The following ARHGAP24 variants were observed in gnomAD, a reference collection of about 807,000 sequenced individuals.
ARHGAP24 encodes the protein rho GTPase-activating protein 24.
A neutral mutation model predicts 76.4 loss-of-function variants in ARHGAP24; 50 were observed. The observed-to-expected ratio is 0.65, with a 90% CI of 0.52 to 0.83. The LOEUF (loss-of-function observed/expected upper bound fraction) is 0.83, where lower values mean the gene tolerates loss of function less well. Ranked by LOEUF, ARHGAP24 falls within the 40% of genes least tolerant of loss-of-function variation. The pLI is 0.00. For synonymous variants in ARHGAP24, 345 were observed against 323.3 expected (o/e 1.07, Z -0.72); for missense variants, 930 against 914.2 (o/e 1.02, Z -0.22).
intron 1 of ARHGAP24, among the ~76,000 whole-genome samples, chr4:85,556,313 CAA>C (rs1244352062): frequency 6.6e-6 from 1 of 152,128 alleles, no homozygotes; most frequent in African/African-American, 2.4e-5. Flanking sequence ...CAGGGAAACA[CAA>C]AGCCATTAGC....
intron 1 of ARHGAP24, among the ~76,000 whole-genome samples, chr4:85,550,561 C>CT (rs201795607): frequency 4.6e-5 from 7 of 151,252 alleles, no homozygotes; most frequent in East Asian, 1.9e-4. Flanking sequence ...TTTTAAAAGT[C>CT]TTTTTTTTTC....
At chr4:85,766,068 T>C (rs1726922521) in intron 3 of ARHGAP24, among the ~76,000 whole-genome samples, 1 of 152,136 alleles carries the variant, frequency 6.6e-6, no homozygotes, top group Non-Finnish European at 1.5e-5. Context: ...ACAATCTGCT[T>C]TCAGCCTAAG....
intron 3 of ARHGAP24, among the ~76,000 whole-genome samples, chr4:85,887,739 A>G (rs1733642402): frequency 1.3e-5 from 2 of 152,158 alleles, no homozygotes; most frequent in African/African-American, 4.8e-5. Flanking sequence ...GTGAATTTTG[A>G]TCTGAAATAC....
chr4:85,964,522 C>T (rs1197005761), intron 5 of ARHGAP24, among the ~76,000 whole-genome samples: 1 of 151,654 alleles, frequency 6.6e-6, no homozygotes, highest in Non-Finnish European at 1.5e-5. Flanking sequence ...CACTTAGAGG[C>T]CAGCAGAGGA....
Position 86,000,613 on chromosome 4 carries a change from A to G in ARHGAP24, c.2138A>G (p.Lys713Arg). The G allele has an allele frequency of 6.2e-7, 1 of 1,614,104 alleles. No individual in the cohort carries two copies. The highest frequency in any genetic ancestry group is 8.5e-7 in the Non-Finnish European group (1 of 1,179,984). Residue 713 changes from lysine to arginine, a missense_variant, in exon 10 of 10, where the codon AAA becomes AGA. By Grantham distance (26) the Lys-to-Arg change is conservative (BLOSUM62 2). Coordinates refer to ENST00000395184, the MANE Select transcript of ARHGAP24 (RefSeq NM_001025616.3). Reference protein sequence around the residue: ...NAERAKEDAEKRNDMLQKEME... With the variant: ...NAERAKEDAERRNDMLQKEME... ...GAGCGAGCAAAAGAAGATGCCGAGA[A>G]AAGAAATGACATGCTACAGAAAGAA...
intron 5 of ARHGAP24, among the ~76,000 whole-genome samples, chr4:85,964,104 C>T (rs897459294): frequency 1.9e-4 from 29 of 151,980 alleles, no homozygotes; most frequent in African/African-American, 6.8e-4. Context: ...GATTCATAAG[C>T]TGTTATGTCA....
At chr4:85,947,673 G>T (rs1220158595) in intron 5 of ARHGAP24, among the ~76,000 whole-genome samples, 2 of 152,132 alleles carry the variant, frequency 1.3e-5, no homozygotes, top group Non-Finnish European at 2.9e-5. Flanking sequence ...TATTTCAGGA[G>T]CATTCATGCA....
intron 8 of ARHGAP24, among the ~76,000 whole-genome samples, chr4:85,981,756 G>C (rs1185896117): frequency 6.6e-6 from 1 of 152,086 alleles, no homozygotes. Flanking sequence ...CTGGAAGGGA[G>C]TCCTGGCTGG....
chr4:85,905,349 T>C (rs1345375866), intron 3 of ARHGAP24, among the ~76,000 whole-genome samples: 1 of 150,670 alleles, frequency 6.6e-6, no homozygotes, highest in Non-Finnish European at 1.5e-5. Flanking sequence ...CAAGAGATTG[T>C]CTTCAAATCT....
At chr4:85,691,224 T>C (rs1723643545) in intron 2 of ARHGAP24, among the ~76,000 whole-genome samples, 1 of 152,208 alleles carries the variant, frequency 6.6e-6, no homozygotes, top group Admixed American at 6.5e-5. Flanking sequence ...TGGTATGACT[T>C]TGATTTTTTT....
At chr4:85,782,034 C>T (rs1458720971) in intron 3 of ARHGAP24, among the ~76,000 whole-genome samples, 1 of 94,442 alleles carries the variant, frequency 1.1e-5, no homozygotes, top group African/African-American at 3.8e-5. Context: ...GAGATTCTAT[C>T]TCAAAAAAAA....
chr4:85,637,823 C>T (rs1721383097), intron 2 of ARHGAP24, among the ~76,000 whole-genome samples: 1 of 151,690 alleles, frequency 6.6e-6, no homozygotes, highest in South Asian at 2.1e-4. Flanking sequence ...TCCTGTTGTA[C>T]AGGCTAAATT....
At chr4:85,683,488 G>A (rs1723308230) in intron 2 of ARHGAP24, among the ~76,000 whole-genome samples, 1 of 152,106 alleles carries the variant, frequency 6.6e-6, no homozygotes, top group Non-Finnish European at 1.5e-5. Context: ...ATTTAAAAAA[G>A]TATTTGAACT....
At chr4:85,540,988 A>G (rs1725660762) in intron 1 of ARHGAP24, among the ~76,000 whole-genome samples, 2 of 152,046 alleles carry the variant, frequency 1.3e-5, no homozygotes, top group Admixed American at 1.3e-4. Flanking sequence ...AATATATATT[A>G]TAATAGATTT....
intron 3 of ARHGAP24, among the ~76,000 whole-genome samples, chr4:85,790,271 T>A (rs1020983973): frequency 6.6e-6 from 1 of 152,176 alleles, no homozygotes; most frequent in African/African-American, 2.4e-5. Context: ...GCATCCCATG[T>A]AGCACACAAA....
At chr4:85,557,097 C>T (rs1243216312) in intron 1 of ARHGAP24, among the ~76,000 whole-genome samples, 1 of 152,202 alleles carries the variant, frequency 6.6e-6, no homozygotes, top group African/African-American at 2.4e-5. Flanking sequence ...TGGCAGGCTA[C>T]CTCTCCCTCT....
At chr4:85,669,061 C>G (rs572371309) in intron 2 of ARHGAP24, among the ~76,000 whole-genome samples, 2 of 152,068 alleles carry the variant, frequency 1.3e-5, no homozygotes, top group Non-Finnish European at 2.9e-5. Context: ...TATCGCATTA[C>G]TGAGTGACAG....
chr4:85,594,575 A>G (rs1728242256), intron 2 of ARHGAP24, among the ~76,000 whole-genome samples: 1 of 152,050 alleles, frequency 6.6e-6, no homozygotes, highest in African/African-American at 2.4e-5. Context: ...TCACAATATT[A>G]TATTCAAAAG....
intron 1 of ARHGAP24, among the ~76,000 whole-genome samples, chr4:85,535,329 C>T (rs1725426826): frequency 6.6e-6 from 1 of 152,144 alleles, no homozygotes; most frequent in Non-Finnish European, 1.5e-5. Context: ...GAAGACCACA[C>T]ATTCAACTGG....
Sources: allele counts gnomAD v4.1 joint callset (sites outside exome capture counted in the v4.1 genomes callset), GRCh38; gene constraint gnomAD v4.1.1; transcripts MANE v1.5; gene names NCBI Gene and HGNC (gene_info 2026-07-23, HGNC 2026-07-21).